Variants in MBOAT2 observed in about 807,000 individuals in gnomAD.
MBOAT2 encodes membrane-bound glycerophospholipid O-acyltransferase 2.
In MBOAT2, 28 loss-of-function variants were observed where a neutral mutation model predicts 63.4. The ratio of observed to expected loss-of-function variants is 0.44; its 90% CI spans 0.33 to 0.61. The LOEUF (loss-of-function observed/expected upper bound fraction) is 0.61, where lower values mean the gene tolerates loss of function less well. Among genes scored for constraint, MBOAT2 ranks in the 20% least tolerant of loss-of-function variants. The pLI is 0.03. For synonymous variants in MBOAT2, 211 were observed against 215.6 expected, an observed-to-expected ratio of 0.98 and a Z score of 0.19; for missense variants, 470 against 605.8, an observed-to-expected ratio of 0.78 and a Z score of 2.35.
intron 3 of MBOAT2, among the ~76,000 whole-genome samples, chr2:8,932,623 G>T (rs1274530277): frequency 6.6e-6 from 1 of 152,096 alleles, no homozygotes; most frequent in Non-Finnish European, 1.5e-5. Flanking sequence ...CAGACTTCTA[G>T]AGCTGCCAGT....
chr2:8,865,880 T>C (rs566803222), intron 9 of MBOAT2, among the ~76,000 whole-genome samples: 56 of 152,192 alleles, frequency 3.7e-4, no homozygotes, highest in Non-Finnish European at 5.1e-4. Flanking sequence ...CTGCTAAAAA[T>C]ACAAACATTG....
rs1237446801 is a variant in MBOAT2, at chr2:9,003,028, C to T, written c.75+512G>A. Among the ~76,000 whole-genome samples, 1 of 152,164 alleles carries T rather than the reference C, an allele frequency of 6.6e-6. No homozygotes were observed. Among genetic ancestry groups the T allele is most frequent in the African/African-American group, 2.4e-5 (1 of 41,450 alleles). Reference sequence around the variant, plus strand: ...TAAGCCTCTCCGGGCCCCTAGCACCCATCGACGCCGTCTCTAAGGCACCCA... The same window carrying T: ...TAAGCCTCTCCGGGCCCCTAGCACCTATCGACGCCGTCTCTAAGGCACCCA... On this transcript the variant is annotated intron_variant, in intron 1 of 12. Transcript: ENST00000305997. The surrounding 1 kb of genome is among the most constrained non-coding windows in gnomAD (Gnocchi z 5.4).
At chr2:8,948,107 C>T (rs1668551933) in intron 2 of MBOAT2, among the ~76,000 whole-genome samples, 1 of 152,098 alleles carries the variant, frequency 6.6e-6, no homozygotes, top group Admixed American at 6.5e-5. Flanking sequence ...TCATGGATGA[C>T]ATTGAGGGGT....
intron 3 of MBOAT2, among the ~76,000 whole-genome samples, chr2:8,932,506 A>G (rs1310981496): frequency 6.6e-6 from 1 of 152,190 alleles, no homozygotes; most frequent in African/African-American, 2.4e-5. Context: ...GCTAGCAGGT[A>G]AGCAAGTAAA....
At chr2:8,901,501 G>A (rs1382384286) in intron 4 of MBOAT2, among the ~76,000 whole-genome samples, 1 of 152,092 alleles carries the variant, frequency 6.6e-6, no homozygotes, top group Non-Finnish European at 1.5e-5. Flanking sequence ...CTTTACCCAT[G>A]TACTATAAAG....
intron 12 of MBOAT2, among the ~76,000 whole-genome samples, chr2:8,859,321 C>A (rs1372528988): frequency 6.6e-6 from 1 of 152,174 alleles, no homozygotes; most frequent in Non-Finnish European, 1.5e-5. Flanking sequence ...TATTTACTGT[C>A]TCTAAGTTAC....
At chr2:8,925,007 A>G (rs906458185) in intron 3 of MBOAT2, among the ~76,000 whole-genome samples, 17 of 152,224 alleles carry the variant, frequency 1.1e-4, no homozygotes, top group African/African-American at 4.1e-4. Flanking sequence ...GCTTTTTAAT[A>G]ACATGAAAAA....
At chr2:8,874,094 C>A (rs1351725483) in intron 7 of MBOAT2, among the ~76,000 whole-genome samples, 1 of 152,174 alleles carries the variant, frequency 6.6e-6, no homozygotes, top group Non-Finnish European at 1.5e-5. Context: ...TATACAGTAA[C>A]CAAATAGTAT....
At chr2:8,869,998 A>G (rs1662197637) in intron 8 of MBOAT2, among the ~76,000 whole-genome samples, 1 of 152,194 alleles carries the variant, frequency 6.6e-6, no homozygotes, top group South Asian at 2.1e-4. Context: ...AAACTGCAGG[A>G]GTCCACCTTC....
intron 6 of MBOAT2, among the ~76,000 whole-genome samples, chr2:8,879,808 C>T (rs1317440516): frequency 6.6e-6 from 1 of 152,140 alleles, no homozygotes; most frequent in African/African-American, 2.4e-5. Context: ...AGTTCCTGTC[C>T]TCAGTGACAG....
In MBOAT2 at chr2:8,961,450, C is replaced by A. The variant is rs560139781; in HGVS notation, c.76-2808G>T. ...TTACCCCAGATAAAGTGCACAAAAG[C>A]ACAAGAGGCTTAGGCACACATGAAG... is the stretch of plus-strand genomic sequence containing the variant. On this transcript the variant is annotated intron_variant, in intron 1 of 12. Coordinates refer to ENST00000305997, the MANE Select transcript of MBOAT2 (RefSeq NM_138799.4). Among the ~76,000 whole-genome samples the A allele has an allele frequency of 3.9e-5, 6 of 152,260 alleles. No individual in the cohort carries two copies. In the South Asian group the frequency reaches 1.2e-3, roughly 32 times the overall value.
At chr2:8,931,853 C>T (rs1233903995) in intron 3 of MBOAT2, among the ~76,000 whole-genome samples, 2 of 152,264 alleles carry the variant, frequency 1.3e-5, no homozygotes, top group East Asian at 1.9e-4. Flanking sequence ...ATCCTTTCCC[C>T]GTTGCTTGCT....
intron 4 of MBOAT2, among the ~76,000 whole-genome samples, chr2:8,899,202 G>T (rs1011193451): frequency 2.0e-5 from 3 of 152,138 alleles, no homozygotes; most frequent in African/African-American, 7.2e-5. Flanking sequence ...GACAACAAAT[G>T]GGTAACTTGT....
At chr2:8,906,352 C>G (rs1318577715) in intron 4 of MBOAT2, among the ~76,000 whole-genome samples, 1 of 152,206 alleles carries the variant, frequency 6.6e-6, no homozygotes, top group Non-Finnish European at 1.5e-5. Context: ...TATGAGGCCA[C>G]GTGACTCATG....
At chr2:8,869,630 G>A (rs1486732477) in intron 8 of MBOAT2, among the ~76,000 whole-genome samples, 1 of 152,126 alleles carries the variant, frequency 6.6e-6, no homozygotes, top group Non-Finnish European at 1.5e-5. Context: ...TACACTTTGG[G>A]GGAAAAGAAT....
At chr2:8,997,939 CTGAAT>C (rs1672422733) in intron 1 of MBOAT2, among the ~76,000 whole-genome samples, 1 of 152,162 alleles carries the variant, frequency 6.6e-6, no homozygotes, top group Non-Finnish European at 1.5e-5. Context: ...CTTAGCTGCT[CTGAAT>C]TAAACAGAGA....
At chr2:8,983,995 T>C (rs1671378026) in intron 1 of MBOAT2, among the ~76,000 whole-genome samples, 1 of 152,232 alleles carries the variant, frequency 6.6e-6, no homozygotes, top group Non-Finnish European at 1.5e-5. Flanking sequence ...AATAAAATGT[T>C]ACAATTTCAA....
intron 1 of MBOAT2, among the ~76,000 whole-genome samples, chr2:8,975,386 T>C (rs1339456347): frequency 6.6e-6 from 1 of 152,130 alleles, no homozygotes; most frequent in East Asian, 1.9e-4. Context: ...TCCTTTTTGA[T>C]TGTGAGCTTC....
At chr2:8,942,015 T>C (rs961678409) in intron 3 of MBOAT2, among the ~76,000 whole-genome samples, 2 of 152,190 alleles carry the variant, frequency 1.3e-5, no homozygotes, top group Non-Finnish European at 2.9e-5. Context: ...ACAAGTTTTT[T>C]AAAAAATAGG....
Sources: gnomAD v4.1 joint callset for allele counts (sites outside exome capture counted in the v4.1 genomes callset) on GRCh38, gnomAD v4.1.1 for gene constraint, Gnocchi (gnomAD v3.1) non-coding constraint, MANE v1.5 for transcripts, NCBI Gene and HGNC (gene_info 2026-07-23, HGNC 2026-07-21) for gene names.